The following RAB27B variants were observed in gnomAD, a reference collection of about 807,000 sequenced individuals.
RAB27B encodes the protein ras-related protein Rab-27B.
A neutral mutation model predicts 24.6 loss-of-function variants in RAB27B; 15 were observed. That is an observed-to-expected ratio of 0.61 (90% CI 0.41 to 0.94). The LOEUF (loss-of-function observed/expected upper bound fraction) is 0.94, where lower values mean the gene tolerates loss of function less well. Ranked by LOEUF, RAB27B falls within the 40% of genes least tolerant of loss-of-function variation. The pLI is 0.00. For missense variants in RAB27B, 261 were observed against 266.8 expected (o/e 0.98, Z 0.15); for synonymous variants, 105 against 92.5 (o/e 1.14, Z -0.78).
chr18:54,873,372 A>T (rs1912554434), intron 1 of RAB27B, among the ~76,000 whole-genome samples: 1 of 152,236 alleles, frequency 6.6e-6, no homozygotes, highest in African/African-American at 2.4e-5. Context: ...TGATACCACG[A>T]TAAAGACTAA....
intron 1 of RAB27B, among the ~76,000 whole-genome samples, chr18:54,870,092 G>A (rs1912402498): frequency 1.3e-5 from 2 of 152,014 alleles, no homozygotes; most frequent in Non-Finnish European, 2.9e-5. Flanking sequence ...CAGAAATGAT[G>A]GAAACATTTT....
chr18:54,770,571 G>A (rs1018896938), intron 2 of RAB27B, among the ~76,000 whole-genome samples: 19 of 151,818 alleles, frequency 1.3e-4, no homozygotes, highest in Non-Finnish European at 5.9e-5. Context: ...AATAATAATC[G>A]AAACAAAGTG....
intron 2 of RAB27B, among the ~76,000 whole-genome samples, chr18:54,812,595 T>G (rs925885925): frequency 2.1e-5 from 2 of 95,756 alleles, no homozygotes; most frequent in South Asian, 7.0e-4. Flanking sequence ...ACACACACAC[T>G]CTTATGAATA....
At chr18:54,854,320 C>T (rs555853380) in intron 1 of RAB27B, among the ~76,000 whole-genome samples, 3 of 152,168 alleles carry the variant, frequency 2.0e-5, no homozygotes, top group Admixed American at 2.0e-4. Flanking sequence ...AGTGTCTCTC[C>T]GTGTTCCTAT....
intron 2 of RAB27B, among the ~76,000 whole-genome samples, chr18:54,786,604 A>G: frequency 6.6e-6 from 1 of 152,274 alleles, no homozygotes; most frequent in African/African-American, 2.4e-5. Context: ...GTGGACATGC[A>G]TAAGAATAGT....
intron 1 of RAB27B, among the ~76,000 whole-genome samples, chr18:54,856,911 A>G (rs1911806401): frequency 1.3e-5 from 2 of 151,406 alleles, no homozygotes; most frequent in South Asian, 4.2e-4. Context: ...CCAATGATAA[A>G]ACCCACACTC....
At chr18:54,886,928 C>T (rs1250172945) in intron 4 of RAB27B, among the ~76,000 whole-genome samples, 1 of 151,758 alleles carries the variant, frequency 6.6e-6, no homozygotes, top group Non-Finnish European at 1.5e-5. Context: ...CTCAAAAACA[C>T]AGCTTGACAG....
intron 2 of RAB27B, among the ~76,000 whole-genome samples, chr18:54,796,057 G>C (rs138211250): frequency 7.9e-4 from 121 of 152,220 alleles, no homozygotes; most frequent in African/African-American, 2.8e-3. Flanking sequence ...ACACTGATCT[G>C]CTTTCTATTA....
chr18:54,873,899 C>A lies in RAB27B; in HGVS notation c.-19-3668C>A, dbSNP rs148778168. ...AAAAATGAAGATTTTTCCACAGTGCCAAGCTTTGCATTCATTTCAGGTGGA... is the reference window on the plus strand; with the variant it reads ...AAAAATGAAGATTTTTCCACAGTGCAAAGCTTTGCATTCATTTCAGGTGGA... On this transcript the variant is annotated intron_variant, in intron 1 of 5. Coordinates refer to ENST00000262094, the MANE Select transcript of RAB27B (RefSeq NM_004163.4). Among the ~76,000 whole-genome samples the A allele has an allele frequency of 2.0e-3, 298 of 152,262 alleles. 9 individuals are homozygous for A. In the East Asian group the frequency reaches 0.032, roughly 16 times the overall value.
rs1430487758 is a variant in RAB27B at position 54,877,707 on chromosome 18, C to T, written c.122C>T (p.Thr41Ile). The T allele has an allele frequency of 6.3e-7, 1 of 1,591,878 alleles. No individual in the cohort carries two copies. The highest frequency in any genetic ancestry group is 1.2e-5 in the South Asian group (1 of 85,956). ...AAATTCAATCCCAAATTCATCACTA[C>T]AGTAGGAATAGACTTTCGGGAAAAA... ...DNKFNPKFIT[T>I]VGIDFREKRV... Residue 41 changes from threonine to isoleucine, a missense_variant, in exon 2 of 6, where the codon ACA becomes ATA. By Grantham distance (89) the Thr-to-Ile change is moderately conservative. Transcript: ENST00000262094.
At chr18:54,771,717 T>C (rs1052438788) in intron 2 of RAB27B, among the ~76,000 whole-genome samples, 1 of 151,934 alleles carries the variant, frequency 6.6e-6, no homozygotes, top group African/African-American at 2.4e-5. Context: ...AAAACTCACA[T>C]TTGACTTCAT....
At chr18:54,843,897 A>G (rs1051692836) in intron 1 of RAB27B, among the ~76,000 whole-genome samples, 6 of 152,320 alleles carry the variant, frequency 3.9e-5, no homozygotes, top group South Asian at 2.1e-4. Flanking sequence ...CCTACACTAT[A>G]ATCTGTAGGT....
At chr18:54,783,805 TG>T (rs1056357594) in intron 2 of RAB27B, among the ~76,000 whole-genome samples, 2 of 152,106 alleles carry the variant, frequency 1.3e-5, no homozygotes, top group African/African-American at 4.8e-5. Flanking sequence ...GTCTTCATGG[TG>T]GAAAATGAAT....
chr18:54,721,870 A>G (rs1909369490), intron 2 of RAB27B, among the ~76,000 whole-genome samples: 1 of 152,208 alleles, frequency 6.6e-6, no homozygotes, highest in African/African-American at 2.4e-5. Context: ...TCAGGGATCC[A>G]GGTGAAAAAG....
chr18:54,872,050 G>A (rs1240951957), intron 1 of RAB27B, among the ~76,000 whole-genome samples: 2 of 151,984 alleles, frequency 1.3e-5, no homozygotes, highest in African/African-American at 2.4e-5. Flanking sequence ...CCCCACTGGC[G>A]AGCAAGGAGT....
At chr18:54,734,073 A>G (rs977793149) in intron 2 of RAB27B, among the ~76,000 whole-genome samples, 3 of 152,340 alleles carry the variant, frequency 2.0e-5, no homozygotes, top group East Asian at 3.9e-4. Context: ...TTCCCTATAT[A>G]CTTACTAAAA....
At chr18:54,804,138 C>A (rs139583909) in intron 2 of RAB27B, among the ~76,000 whole-genome samples, 184 of 152,284 alleles carry the variant, frequency 1.2e-3, no homozygotes, top group African/African-American at 4.3e-3. Flanking sequence ...AATTTAAATT[C>A]TCCATGAGAT....
intron 2 of RAB27B, among the ~76,000 whole-genome samples, chr18:54,791,833 G>A (rs1330755264): frequency 6.6e-6 from 1 of 152,176 alleles, no homozygotes; most frequent in Non-Finnish European, 1.5e-5. Context: ...AGAGCACACT[G>A]GCACATGCTG....
At chr18:54,873,530 AT>A (rs564695296) in intron 1 of RAB27B, among the ~76,000 whole-genome samples, 3 of 151,686 alleles carry the variant, frequency 2.0e-5, no homozygotes, top group South Asian at 2.1e-4. Flanking sequence ...TTCCCACATC[AT>A]TTTTTTTAGC....
Sources: allele counts gnomAD v4.1 joint callset (sites outside exome capture counted in the v4.1 genomes callset), GRCh38; gene constraint gnomAD v4.1.1; transcripts MANE v1.5; gene names NCBI Gene and HGNC (gene_info 2026-07-23, HGNC 2026-07-21).